The following ELF2 variants were observed in gnomAD, a reference collection of about 807,000 sequenced individuals.
ELF2 encodes the protein E74 like ETS transcription factor 2, also known as ETS-related transcription factor Elf-2.
A neutral mutation model predicts 54.8 loss-of-function variants in ELF2; 11 were observed. The observed-to-expected ratio is 0.20, with a 90% confidence interval of 0.13 to 0.33. ELF2 has a LOEUF of 0.33. Ranked by LOEUF, ELF2 falls within the 10% of genes least tolerant of loss-of-function variation. The probability of loss-of-function intolerance (pLI) is 1.00; values close to 1 mark genes in which losing one functional copy is unlikely to be tolerated. For missense variants in ELF2, 513 were observed against 703.0 expected (o/e 0.73, Z 3.06); for synonymous variants, 203 against 245.1 (o/e 0.83, Z 1.61).
intron 1 of ELF2, among the ~76,000 whole-genome samples, chr4:139,156,597 GATATAT>G (rs111249661): frequency 2.0e-5 from 3 of 149,976 alleles, no homozygotes; most frequent in African/African-American, 7.3e-5. Context: ...TTCATTCATA[GATATAT>G]ATATATATAT....
chr4:139,135,330 T>A (rs923601483), intron 3 of ELF2, among the ~76,000 whole-genome samples: 3 of 151,640 alleles, frequency 2.0e-5, no homozygotes, highest in Non-Finnish European at 4.4e-5. Flanking sequence ...CAAAAATCTA[T>A]CTTTCAAATA....
At chr4:139,121,142 T>G (rs920311942) in intron 4 of ELF2, among the ~76,000 whole-genome samples, 1 of 128,710 alleles carries the variant, frequency 7.8e-6, no homozygotes, top group African/African-American at 2.9e-5. Context: ...GGAGTCTTGC[T>G]CTGTCGCCCA....
At chr4:139,081,708 A>C (rs1731140403) in intron 4 of ELF2, among the ~76,000 whole-genome samples, 1 of 152,164 alleles carries the variant, frequency 6.6e-6, no homozygotes, top group Non-Finnish European at 1.5e-5. Context: ...ATTGGCAGCA[A>C]TAAAAATTTA....
chr4:139,118,706 G>A (rs1736011777), intron 4 of ELF2, among the ~76,000 whole-genome samples: 1 of 151,216 alleles, frequency 6.6e-6, no homozygotes, highest in African/African-American at 2.4e-5. Flanking sequence ...TTAAGTGGAA[G>A]CAAAAGGAAG....
At position 139,071,775 on chromosome 4, in the gene ELF2, A is replaced by G. The variant is rs190206413; in HGVS notation, c.526+91T>C. The stretch of plus-strand genomic sequence containing the variant: ...AAGATAACATCAATCTTAAATCTAC[A>G]GCATATACTACTTTCTATGTCCCTT... On this transcript the variant is annotated intron_variant, in intron 6 of 9. Coordinates refer to ENST00000686138, the MANE Select transcript of ELF2 (RefSeq NM_001331036.3). The G allele has an allele frequency of 7.1e-4, 826 of 1,168,928 alleles. 4 individuals carry two copies. In the Middle Eastern group the frequency reaches 7.6e-3, roughly 11 times the overall value. 72.4% of individuals were successfully genotyped at this position (1,168,928 alleles called of 1,614,324 possible).
At chr4:139,155,554 G>A (rs1740439771) in intron 1 of ELF2, 1 of 151,810 alleles carries the variant, frequency 6.6e-6, no homozygotes, top group Admixed American at 6.6e-5. Context: ...AGACTAACCT[G>A]GACAACATAG....
intron 1 of ELF2, among the ~76,000 whole-genome samples, chr4:139,176,681 C>T (rs1397951006): frequency 1.3e-5 from 2 of 152,076 alleles, no homozygotes. Flanking sequence ...CTTCCCTCAG[C>T]CCTGCCCCGC....
At chr4:139,070,103 A>G (rs1394918333) in intron 6 of ELF2, among the ~76,000 whole-genome samples, 3 of 151,672 alleles carry the variant, frequency 2.0e-5, no homozygotes, top group Non-Finnish European at 4.4e-5. Flanking sequence ...TCAGCCTCCC[A>G]AAGTGCTGGA....
chr4:139,128,578 G>A (rs549712865), intron 3 of ELF2, among the ~76,000 whole-genome samples: 14 of 150,298 alleles, frequency 9.3e-5, no homozygotes, highest in African/African-American at 3.4e-4. Context: ...TTGGAGTGCA[G>A]TGGCACAATC....
intron 7 of ELF2, chr4:139,066,724 T>C (rs865921245): frequency 6.7e-6 from 1 of 150,164 alleles, no homozygotes; most frequent in African/African-American, 2.5e-5. Flanking sequence ...CCCCCATCTC[T>C]TAAAAAAAAA....
chr4:139,094,266 T>C (rs1578777202), intron 4 of ELF2, among the ~76,000 whole-genome samples: 1 of 152,154 alleles, frequency 6.6e-6, no homozygotes, highest in Non-Finnish European at 1.5e-5. Flanking sequence ...TGAGTTGTCC[T>C]AGCTAAGGCC....
intron 4 of ELF2, among the ~76,000 whole-genome samples, chr4:139,087,756 C>T (rs1008441938): frequency 6.6e-6 from 1 of 152,160 alleles, no homozygotes; most frequent in African/African-American, 2.4e-5. Context: ...TGAGTCACCA[C>T]GCCAGGCCAC....
rs17050697 is a variant in ELF2, at chr4:139,151,269, C to G, written c.-251-11772G>C. 8.2e-3 allele frequency among the ~76,000 whole-genome samples: 1,241 copies of G among 151,956 alleles called. 20 individuals are homozygous for G. The highest frequency in any genetic ancestry group is 0.029 in the African/African-American group (1,186 of 41,428). On this transcript the variant is annotated intron_variant, in intron 1 of 9. Coordinates refer to ENST00000686138, the MANE Select transcript of ELF2 (RefSeq NM_001331036.3). ...AATATAGAATATCTTCATGAACTCA[C>G]AATTAAGAAAAAATTATTAGATGAG... is the stretch of plus-strand genomic sequence containing the variant.
intron 4 of ELF2, among the ~76,000 whole-genome samples, chr4:139,078,475 A>G (rs991408334): frequency 1.3e-5 from 2 of 152,136 alleles, no homozygotes; most frequent in Non-Finnish European, 2.9e-5. Context: ...GGAAAAGGTA[A>G]TTAAAGGTCT....
At chr4:139,100,941 T>C (rs1560810960) in intron 4 of ELF2, among the ~76,000 whole-genome samples, 1 of 152,144 alleles carries the variant, frequency 6.6e-6, no homozygotes, top group Admixed American at 6.5e-5. Context: ...GTAAAAAAAC[T>C]ACAGAGTGAA....
intron 4 of ELF2, among the ~76,000 whole-genome samples, chr4:139,087,551 C>T (rs1172499338): frequency 3.9e-5 from 6 of 152,116 alleles, no homozygotes; most frequent in Admixed American, 6.6e-5. Flanking sequence ...CTGCAAGCTC[C>T]GCCTCCCGGG....
At chr4:139,083,677 A>C (rs954058048) in intron 4 of ELF2, among the ~76,000 whole-genome samples, 9 of 152,232 alleles carry the variant, frequency 5.9e-5, no homozygotes, top group African/African-American at 2.2e-4. Context: ...CGTTCGCCGG[A>C]GAAGCCCGCC....
In ELF2 at chr4:139,151,033, AAAGAAAGAAAG is replaced by A. The variant is rs1279093260; in HGVS notation, c.-251-11547_-251-11537del. ...AACGAGGCTCCATCTCAAAAAAAAA[AAAGAAAGAAAG>A]AAAGAAAGAAAGAAAGAAAGAAAGA... On this transcript the variant is annotated intron_variant, in intron 1 of 9. Coordinates refer to ENST00000686138, the MANE Select transcript of ELF2 (RefSeq NM_001331036.3). 7.2e-3 allele frequency among the ~76,000 whole-genome samples: 209 copies of A among 28,924 alleles called. 3 individuals carry two copies. The highest frequency in any genetic ancestry group is 0.032 in the East Asian group (60 of 1,892). The allele number at this position is 28,924 out of a possible 152,430, so 19.0% of individuals were successfully genotyped here. A position where few individuals can be genotyped will look rare whatever the true frequency, so the allele number is the denominator to read the frequency against.
At chr4:139,094,341 C>T (rs1257785734) in intron 4 of ELF2, among the ~76,000 whole-genome samples, 1 of 152,216 alleles carries the variant, frequency 6.6e-6, no homozygotes, top group Non-Finnish European at 1.5e-5. Context: ...AAAGCCATCA[C>T]AGCAGAGCCA....
Sources: allele counts gnomAD v4.1 joint callset (sites outside exome capture counted in the v4.1 genomes callset), GRCh38; gene constraint gnomAD v4.1.1; transcripts MANE v1.5; gene names NCBI Gene and HGNC (gene_info 2026-07-23, HGNC 2026-07-21).